The following PLXDC2 variants were observed in gnomAD, a reference collection of about 807,000 sequenced individuals.
PLXDC2 encodes plexin domain-containing protein 2.
In PLXDC2, 40 loss-of-function variants were observed where a neutral mutation model predicts 68.9. The ratio of observed to expected loss-of-function variants is 0.58; its 90% CI spans 0.45 to 0.76. PLXDC2 has a LOEUF of 0.76. Among genes scored for constraint, PLXDC2 ranks in the 30% least tolerant of loss-of-function variants. PLXDC2 has a pLI of 0.00. For missense variants in PLXDC2, 644 were observed against 661.9 expected, an observed-to-expected ratio of 0.97 and a Z score of 0.30; for synonymous variants, 243 against 234.2, an observed-to-expected ratio of 1.04 and a Z score of -0.34.
At chr10:20,253,191 C>T (rs188960174) in intron 13 of PLXDC2, among the ~76,000 whole-genome samples, 22 of 151,612 alleles carry the variant, frequency 1.5e-4, no homozygotes, top group African/African-American at 5.3e-4. Context: ...ATGGTGAAAC[C>T]CCACCTCTAC....
chr10:19,995,704 C>T (rs918095491), intron 1 of PLXDC2, among the ~76,000 whole-genome samples: 1 of 152,178 alleles, frequency 6.6e-6, no homozygotes. Context: ...TAACTCTCCT[C>T]TGCACAGTCT....
intron 4 of PLXDC2, among the ~76,000 whole-genome samples, chr10:20,105,422 T>C (rs939287604): frequency 1.3e-5 from 2 of 152,214 alleles, no homozygotes; most frequent in East Asian, 3.9e-4. Flanking sequence ...ATGACTATTT[T>C]GATAAGCATG....
intron 2 of PLXDC2, among the ~76,000 whole-genome samples, chr10:20,013,594 C>T (rs977797685): frequency 1.3e-5 from 2 of 152,070 alleles, no homozygotes; most frequent in Non-Finnish European, 2.9e-5. Flanking sequence ...GAAATCTTTA[C>T]TAGTTCTGTC....
At chr10:20,054,362 C>T (rs1835957928) in intron 3 of PLXDC2, among the ~76,000 whole-genome samples, 1 of 151,888 alleles carries the variant, frequency 6.6e-6, no homozygotes, top group South Asian at 2.1e-4. Flanking sequence ...CTCTAAGAGT[C>T]TCTCTCAGAT....
chr10:20,238,990 G>T (rs1456555089), intron 12 of PLXDC2, among the ~76,000 whole-genome samples: 2 of 151,844 alleles, frequency 1.3e-5, no homozygotes, highest in African/African-American at 4.8e-5. Context: ...GGCAAAAAAA[G>T]ACCTTTACTT....
chr10:20,277,795 A>G (rs1836027607), intron 13 of PLXDC2, among the ~76,000 whole-genome samples: 1 of 152,014 alleles, frequency 6.6e-6, no homozygotes, highest in Non-Finnish European at 1.5e-5. Context: ...TCATTTTTCT[A>G]TTTTTGGGGG....
chr10:20,136,386 A>G (rs1449607758), intron 4 of PLXDC2, among the ~76,000 whole-genome samples: 3 of 152,206 alleles, frequency 2.0e-5, no homozygotes, highest in Non-Finnish European at 4.4e-5. Context: ...AGTTTATAGT[A>G]TATGACCTGT....
chr10:20,083,380 G>A (rs1836612173), intron 4 of PLXDC2, among the ~76,000 whole-genome samples: 1 of 151,676 alleles, frequency 6.6e-6, no homozygotes, highest in Non-Finnish European at 1.5e-5. Context: ...GGGAAGCTGA[G>A]GCAGGAGAAT....
intron 1 of PLXDC2, among the ~76,000 whole-genome samples, chr10:19,998,677 C>A (rs1326229644): frequency 5.3e-5 from 8 of 152,226 alleles, no homozygotes; most frequent in Middle Eastern, 6.8e-3. Flanking sequence ...AGCAAGAGAT[C>A]TGTTTTCCAA....
chr10:19,898,671 G>C (rs1167807954), intron 1 of PLXDC2, among the ~76,000 whole-genome samples: 2 of 152,120 alleles, frequency 1.3e-5, no homozygotes, highest in Non-Finnish European at 2.9e-5. Flanking sequence ...GGAAGTTTCT[G>C]GATCAGTGGA....
chr10:20,007,748 G>A (rs1835050030), intron 2 of PLXDC2, among the ~76,000 whole-genome samples: 1 of 152,214 alleles, frequency 6.6e-6, no homozygotes, highest in African/African-American at 2.4e-5. Context: ...TTCTAATAAG[G>A]TCTCAGGTGA....
chr10:19,988,629 T>C (rs1834689034), intron 1 of PLXDC2, among the ~76,000 whole-genome samples: 1 of 152,088 alleles, frequency 6.6e-6, no homozygotes, highest in Non-Finnish European at 1.5e-5. Context: ...ATAAAACATA[T>C]TCATATTCTC....
intron 1 of PLXDC2, among the ~76,000 whole-genome samples, chr10:19,955,970 T>G (rs557353735): frequency 6.6e-6 from 1 of 152,166 alleles, no homozygotes; most frequent in African/African-American, 2.4e-5. Context: ...TCCCAGCTAC[T>G]TGGGAGGCTG....
intron 4 of PLXDC2, among the ~76,000 whole-genome samples, chr10:20,136,489 A>G (rs893413210): frequency 1.3e-5 from 2 of 152,168 alleles, no homozygotes; most frequent in African/African-American, 4.8e-5. Flanking sequence ...CACCACCAAC[A>G]CTGAGCTATT....
chr10:19,867,854 C>A (rs1479048425), intron 1 of PLXDC2, among the ~76,000 whole-genome samples: 1 of 151,994 alleles, frequency 6.6e-6, no homozygotes, highest in Non-Finnish European at 1.5e-5. Context: ...TATAAATGTA[C>A]CCTTGAAAAA....
At chr10:20,168,407 G>A (rs185431551) in intron 7 of PLXDC2, among the ~76,000 whole-genome samples, 1 of 152,160 alleles carries the variant, frequency 6.6e-6, no homozygotes, top group East Asian at 1.9e-4. Flanking sequence ...AAAAAACAGC[G>A]ATACTAACTT....
At chr10:20,132,003 G>A (rs1483373549) in intron 4 of PLXDC2, among the ~76,000 whole-genome samples, 1 of 151,592 alleles carries the variant, frequency 6.6e-6, no homozygotes, top group Non-Finnish European at 1.5e-5. Flanking sequence ...TACCCCTTAG[G>A]GCTGCTGTTG....
At chr10:20,233,911 C>T (rs1357818654) in intron 12 of PLXDC2, among the ~76,000 whole-genome samples, 1 of 152,068 alleles carries the variant, frequency 6.6e-6, no homozygotes, top group African/African-American at 2.4e-5. Flanking sequence ...GCCTGGAACT[C>T]TTGGGCTCAA....
intron 1 of PLXDC2, among the ~76,000 whole-genome samples, chr10:19,937,742 G>A (rs1833750291): frequency 1.3e-5 from 2 of 151,886 alleles, no homozygotes; most frequent in South Asian, 4.2e-4. Context: ...CTGTGGCAGG[G>A]TGGGCCATCT....
Sources: gnomAD v4.1 joint callset for allele counts (sites outside exome capture counted in the v4.1 genomes callset) on GRCh38, gnomAD v4.1.1 for gene constraint, MANE v1.5 for transcripts, NCBI Gene and HGNC (gene_info 2026-07-23, HGNC 2026-07-21) for gene names.